Variants in TBL1XR1 observed in about 807,000 individuals in gnomAD.
TBL1XR1 encodes the protein F-box-like/WD repeat-containing protein TBL1XR1.
TBL1XR1 carries 5 observed loss-of-function variants against 66.9 expected under a neutral mutation model. The observed-to-expected ratio is 0.07, with a 90% CI of 0.04 to 0.16. TBL1XR1 has a LOEUF of 0.16. Ranked by LOEUF, TBL1XR1 falls within the 10% of genes least tolerant of loss-of-function variation. TBL1XR1 has a pLI of 1.00. For synonymous variants in TBL1XR1, 210 were observed against 206.0 expected (o/e 1.02, Z -0.17); for missense variants, 238 against 623.2 (o/e 0.38, Z 6.58).
chr3:177,122,512 C>T (rs889070698), intron 1 of TBL1XR1, among the ~76,000 whole-genome samples: 1 of 152,108 alleles, frequency 6.6e-6, no homozygotes, highest in African/African-American at 2.4e-5. Context: ...CTCTATACCT[C>T]TTGTGCACTT....
At chr3:177,082,927 T>C (rs1721618237) in intron 2 of TBL1XR1, among the ~76,000 whole-genome samples, 1 of 150,948 alleles carries the variant, frequency 6.6e-6, no homozygotes, top group African/African-American at 2.4e-5. Flanking sequence ...GGCTAATTTT[T>C]TCTGTATCTT....
chr3:177,071,031 G>GTTTTGTTTTTTTTTTT (rs768177980), intron 2 of TBL1XR1, among the ~76,000 whole-genome samples: 1 of 104,716 alleles, frequency 9.5e-6, no homozygotes, highest in African/African-American at 3.9e-5. Flanking sequence ...CTGAGAATCT[G>GTTTTGTTTTTTTTTTT]TTTTTTTTTT....
intron 1 of TBL1XR1, among the ~76,000 whole-genome samples, chr3:177,132,322 A>G (rs532825206): frequency 1.3e-5 from 2 of 152,300 alleles, no homozygotes; most frequent in East Asian, 3.9e-4. Context: ...AGATATCCAT[A>G]TGGCCCTACA....
chr3:177,069,125 G>C (rs565570037), intron 2 of TBL1XR1, among the ~76,000 whole-genome samples: 33 of 152,098 alleles, frequency 2.2e-4, no homozygotes, highest in Non-Finnish European at 4.1e-4. Context: ...TGAGAAAATG[G>C]AATCAGACAG....
At chr3:177,106,153 A>G (rs1239507167) in intron 1 of TBL1XR1, among the ~76,000 whole-genome samples, 1 of 152,204 alleles carries the variant, frequency 6.6e-6, no homozygotes, top group African/African-American at 2.4e-5. Flanking sequence ...ATAATAACAA[A>G]AAAAAGAAGA....
intron 1 of TBL1XR1, among the ~76,000 whole-genome samples, chr3:177,192,655 G>T (rs555716592): frequency 1.7e-4 from 26 of 152,264 alleles, no homozygotes; most frequent in South Asian, 4.1e-4. Flanking sequence ...TCCTTCCTAT[G>T]ACATTATGCC....
intron 1 of TBL1XR1, among the ~76,000 whole-genome samples, chr3:177,159,605 C>G (rs74673762): frequency 0.033 from 4,992 of 152,192 alleles, 279 homozygotes; most frequent in African/African-American, 0.11. Flanking sequence ...ATTTATAGCA[C>G]CCCTTTGAAG....
intron 1 of TBL1XR1, among the ~76,000 whole-genome samples, chr3:177,107,719 CTTTCT>C (rs1725054787): frequency 6.6e-6 from 1 of 152,122 alleles, no homozygotes; most frequent in Non-Finnish European, 1.5e-5. Context: ...ACGAAACTAC[CTTTCT>C]TAAGATCTCA....
intron 8 of TBL1XR1, 22 bp from the exon 9 acceptor site, chr3:177,047,419 T>G: frequency 6.3e-7 from 1 of 1,598,872 alleles, no homozygotes; most frequent in Non-Finnish European, 8.5e-7. Flanking sequence ...AAGAAAAACA[T>G]TAACATTATT....
At chr3:177,188,675 A>C (rs1264076042) in intron 1 of TBL1XR1, among the ~76,000 whole-genome samples, 1 of 152,210 alleles carries the variant, frequency 6.6e-6, no homozygotes, top group African/African-American at 2.4e-5. Flanking sequence ...CAAACTTCAC[A>C]GTTTAAATGT....
At chr3:177,155,717 A>T (rs867207382) in intron 1 of TBL1XR1, among the ~76,000 whole-genome samples, 8 of 152,222 alleles carry the variant, frequency 5.3e-5, no homozygotes, top group African/African-American at 1.9e-4. Flanking sequence ...ACCATACACA[A>T]AAATTATATC....
intron 1 of TBL1XR1, among the ~76,000 whole-genome samples, chr3:177,155,412 TAA>T (rs1467975795): frequency 6.6e-6 from 1 of 152,134 alleles, no homozygotes; most frequent in Non-Finnish European, 1.5e-5. Flanking sequence ...CTTTAAGAAA[TAA>T]AACTCCTTTG....
At position 177,066,879 on chromosome 3, in the gene TBL1XR1, A is replaced by G. The variant is rs146782331; in HGVS notation, c.-45-1857T>C. Among the ~76,000 whole-genome samples, 1,096 of 152,348 alleles carry G rather than the reference A, an allele frequency of 7.2e-3. 15 individuals are homozygous for G. The highest frequency in any genetic ancestry group is 0.025 in the African/African-American group (1,044 of 41,588). On this transcript the variant is annotated intron_variant, in intron 2 of 15. Transcript: ENST00000457928. Reference sequence around the variant, plus strand: ...CCACAGAGGAAGAGTGACAATTACAATATCTTCATCTAAAGAAAAGGTACC... The same window carrying G: ...CCACAGAGGAAGAGTGACAATTACAGTATCTTCATCTAAAGAAAAGGTACC...
intron 1 of TBL1XR1, among the ~76,000 whole-genome samples, chr3:177,122,447 C>G (rs75306481): frequency 1.3e-5 from 2 of 151,918 alleles, no homozygotes; most frequent in Non-Finnish European, 2.9e-5. Flanking sequence ...AAGTAATGAC[C>G]GAAATCCCTT....
intron 1 of TBL1XR1, among the ~76,000 whole-genome samples, chr3:177,111,251 C>T (rs1400006053): frequency 1.3e-5 from 2 of 151,272 alleles, no homozygotes; most frequent in Non-Finnish European, 1.5e-5. Flanking sequence ...CTGAGTTCCA[C>T]TGAGAAACCA....
intron 2 of TBL1XR1, among the ~76,000 whole-genome samples, chr3:177,065,547 T>C (rs1346423678): frequency 1.3e-5 from 2 of 152,144 alleles, no homozygotes; most frequent in African/African-American, 2.4e-5. Flanking sequence ...CAAAAAGCTC[T>C]AGGTATGTAT....
At chr3:177,109,334 T>C (rs1309758066) in intron 1 of TBL1XR1, among the ~76,000 whole-genome samples, 3 of 151,954 alleles carry the variant, frequency 2.0e-5, no homozygotes, top group Admixed American at 6.6e-5. Flanking sequence ...CTCAAGAAAA[T>C]ACAAACTATC....
intron 14 of TBL1XR1, among the ~76,000 whole-genome samples, chr3:177,028,449 T>A (rs1484145593): frequency 6.6e-6 from 1 of 152,200 alleles, no homozygotes; most frequent in Non-Finnish European, 1.5e-5. Flanking sequence ...ATGGACTAAA[T>A]GAGTTCACTG....
chr3:177,055,827 AT>A (rs1488610235), intron 3 of TBL1XR1, among the ~76,000 whole-genome samples: 1 of 152,170 alleles, frequency 6.6e-6, no homozygotes, highest in Non-Finnish European at 1.5e-5. Context: ...AGCTTAAGAG[AT>A]TTAAGAAAAC....
Sources: allele counts gnomAD v4.1 joint callset (sites outside exome capture counted in the v4.1 genomes callset), GRCh38; gene constraint gnomAD v4.1.1; transcripts MANE v1.5; gene names NCBI Gene and HGNC (gene_info 2026-07-23, HGNC 2026-07-21).